Variants in DIAPH3 observed in about 807,000 individuals in gnomAD.
DIAPH3 encodes the protein protein diaphanous homolog 3.
DIAPH3 carries 117 observed loss-of-function variants against 144.3 expected under a neutral mutation model. The ratio of observed to expected loss-of-function variants is 0.81; its 90% confidence interval spans 0.70 to 0.95. DIAPH3 has a LOEUF of 0.95. Among genes scored for constraint, DIAPH3 ranks in the 40% least tolerant of loss-of-function variants. The pLI is 0.00. For missense variants in DIAPH3, 1,421 were observed against 1,412.7 expected, an observed-to-expected ratio of 1.01 and a Z score of -0.09; for synonymous variants, 519 against 488.9, an observed-to-expected ratio of 1.06 and a Z score of -0.81.
intron 25 of DIAPH3, among the ~76,000 whole-genome samples, chr13:59,803,324 C>T (rs1265739331): frequency 6.6e-6 from 1 of 151,990 alleles, no homozygotes; most frequent in Non-Finnish European, 1.5e-5. Context: ...CCATGCTACA[C>T]CTTAAAAATT....
rs988788057 is a variant in DIAPH3, at chr13:60,146,702, T to C, written c.181-13713A>G. Among the ~76,000 whole-genome samples, 76 of 152,308 alleles carry C rather than the reference T, an allele frequency of 5.0e-4. 1 individual carries two copies. The highest frequency in any genetic ancestry group is 1.9e-4 in the East Asian group (1 of 5,184). The stretch of plus-strand genomic sequence containing the variant: ...ACTGTCCTTGGAAATCCTCCAACAA[T>C]GCCAAAGGAGACTTCAGCAATGATT... On this transcript the variant is annotated intron_variant, in intron 1 of 27. Coordinates refer to ENST00000400324, the MANE Select transcript of DIAPH3 (RefSeq NM_001042517.2).
intron 17 of DIAPH3, among the ~76,000 whole-genome samples, chr13:59,933,496 C>T (rs1039240074): frequency 3.3e-5 from 5 of 152,208 alleles, no homozygotes; most frequent in African/African-American, 9.6e-5. Context: ...AAAGCCAGTA[C>T]AAAATACACT....
intron 9 of DIAPH3, among the ~76,000 whole-genome samples, chr13:60,006,117 C>T (rs1232766668): frequency 1.3e-5 from 2 of 152,140 alleles, no homozygotes; most frequent in African/African-American, 4.8e-5. Flanking sequence ...ACGTAGTTTG[C>T]CTTCAAGTTC....
At chr13:59,886,441 T>G (rs1410197468) in intron 20 of DIAPH3, among the ~76,000 whole-genome samples, 1 of 152,110 alleles carries the variant, frequency 6.6e-6, no homozygotes, top group Non-Finnish European at 1.5e-5. Flanking sequence ...GTTTTCTATA[T>G]TCTATGTCCT....
chr13:60,151,477 A>ACATAC (rs751605824), intron 1 of DIAPH3, among the ~76,000 whole-genome samples: 28 of 152,222 alleles, frequency 1.8e-4, no homozygotes, highest in Non-Finnish European at 3.2e-4. Context: ...GGTAGTCTTT[A>ACATAC]CATACCCTTG....
chr13:59,780,876 G>A (rs1283720076), intron 25 of DIAPH3, among the ~76,000 whole-genome samples: 4 of 152,216 alleles, frequency 2.6e-5, no homozygotes, highest in Non-Finnish European at 5.9e-5. Flanking sequence ...CTGGAAGACA[G>A]CTGGAAATTC....
At chr13:59,785,196 C>G (rs747943067) in intron 25 of DIAPH3, among the ~76,000 whole-genome samples, 1 of 152,064 alleles carries the variant, frequency 6.6e-6, no homozygotes, top group Non-Finnish European at 1.5e-5. Flanking sequence ...GGCTCAACCA[C>G]AAGAAGTGGA....
chr13:59,737,068 A>G (rs926524463), intron 27 of DIAPH3, among the ~76,000 whole-genome samples: 2 of 152,200 alleles, frequency 1.3e-5, no homozygotes, highest in African/African-American at 4.8e-5. Flanking sequence ...AACCTAGGCA[A>G]TACCATTCAG....
chr13:60,061,497 G>C (rs995585396), intron 4 of DIAPH3, among the ~76,000 whole-genome samples: 6 of 151,420 alleles, frequency 4.0e-5, no homozygotes, highest in Non-Finnish European at 5.9e-5. Flanking sequence ...CGTTCAGGTG[G>C]ACATGAATAA....
chr13:60,019,397 G>A (rs1175372477), intron 5 of DIAPH3, among the ~76,000 whole-genome samples: 3 of 152,122 alleles, frequency 2.0e-5, no homozygotes, highest in African/African-American at 7.2e-5. Flanking sequence ...AGATCAGTAT[G>A]ACATTTGTAT....
At chr13:60,087,967 C>T (rs2057803091) in intron 4 of DIAPH3, among the ~76,000 whole-genome samples, 1 of 152,064 alleles carries the variant, frequency 6.6e-6, no homozygotes, top group Non-Finnish European at 1.5e-5. Context: ...ACTTCTGACT[C>T]CAAGCTAGTG....
chr13:59,743,379 T>C (rs1360108339), intron 27 of DIAPH3, among the ~76,000 whole-genome samples: 3 of 152,016 alleles, frequency 2.0e-5, no homozygotes, highest in Non-Finnish European at 2.9e-5. Flanking sequence ...ATGTATGTAG[T>C]AGTGGTCGTG....
intron 17 of DIAPH3, among the ~76,000 whole-genome samples, chr13:59,950,536 A>G (rs998022681): frequency 6.6e-6 from 1 of 152,162 alleles, no homozygotes; most frequent in Admixed American, 6.6e-5. Context: ...TACAAACCAG[A>G]GCTATGAATG....
intron 17 of DIAPH3, among the ~76,000 whole-genome samples, chr13:59,955,979 C>CAA (rs899130817): frequency 6.6e-6 from 1 of 152,066 alleles, no homozygotes; most frequent in African/African-American, 2.4e-5. Context: ...AAGAAATTTC[C>CAA]AAGCAGCAAA....
intron 5 of DIAPH3, among the ~76,000 whole-genome samples, chr13:60,036,365 G>A (rs7981192): frequency 0.037 from 5,566 of 151,850 alleles, 133 homozygotes; most frequent in East Asian, 0.075. Context: ...TATATATATT[G>A]TCCAAAATGG....
At chr13:60,138,124 G>A (rs1027122643) in intron 1 of DIAPH3, among the ~76,000 whole-genome samples, 4 of 152,238 alleles carry the variant, frequency 2.6e-5, no homozygotes, top group Admixed American at 6.5e-5. Context: ...TAGATCCTCC[G>A]GACCAGCTGG....
chr13:60,050,812 A>ATACATG (rs36084522), intron 4 of DIAPH3, among the ~76,000 whole-genome samples: 141,292 of 151,908 alleles, frequency 0.93, 66,009 homozygotes, highest in African/African-American at 0.98. Context: ...GGCAACAGAC[A>ATACATG]GAAACAACGT....
chr13:60,115,625 C>G (rs1172576732), intron 2 of DIAPH3, among the ~76,000 whole-genome samples: 1 of 152,016 alleles, frequency 6.6e-6, no homozygotes, highest in Non-Finnish European at 1.5e-5. Flanking sequence ...ACGGCACCAT[C>G]TTTAGTTCAT....
intron 5 of DIAPH3, among the ~76,000 whole-genome samples, chr13:60,019,815 G>A (rs78703614): frequency 0.014 from 2,115 of 152,176 alleles, 64 homozygotes; most frequent in East Asian, 0.1. Flanking sequence ...ACCTCATTGA[G>A]CAATAGAGGC....
Sources: gnomAD v4.1 joint callset for allele counts (sites outside exome capture counted in the v4.1 genomes callset) on GRCh38, gnomAD v4.1.1 for gene constraint, MANE v1.5 for transcripts, NCBI Gene and HGNC (gene_info 2026-07-23, HGNC 2026-07-21) for gene names.